The following BRINP1 variants were observed in gnomAD, a reference collection of about 807,000 sequenced individuals.
BRINP1 encodes BMP/retinoic acid inducible neural specific 1, also known as BMP/retinoic acid-inducible neural-specific protein 1.
BRINP1 carries 17 observed loss-of-function variants against 72.9 expected under a neutral mutation model. That is an observed-to-expected ratio of 0.23 (90% CI 0.16 to 0.35). BRINP1 has a LOEUF of 0.35. BRINP1 is among the 10% of genes least tolerant of loss of function. The probability of loss-of-function intolerance (pLI) is 1.00; values close to 1 mark genes in which losing one functional copy is unlikely to be tolerated. For missense variants in BRINP1, 850 were observed against 1,001.6 expected (o/e 0.85, Z 2.04); for synonymous variants, 418 against 378.5 (o/e 1.10, Z -1.21).
At chr9:119,307,002 C>A (rs913296469) in intron 2 of BRINP1, among the ~76,000 whole-genome samples, 8 of 151,292 alleles carry the variant, frequency 5.3e-5, no homozygotes, top group Admixed American at 4.6e-4. Flanking sequence ...CTTTTTTTTT[C>A]TTCTTCCCCA....
At chr9:119,227,632 T>A (rs1588170510) in intron 5 of BRINP1, among the ~76,000 whole-genome samples, 1 of 152,102 alleles carries the variant, frequency 6.6e-6, no homozygotes, top group African/African-American at 2.4e-5. Context: ...AGAGAGGCTG[T>A]AGGCATGAGC....
chr9:119,252,105 T>G (rs1212805186), intron 2 of BRINP1, among the ~76,000 whole-genome samples: 1 of 152,124 alleles, frequency 6.6e-6, no homozygotes, highest in Admixed American at 6.5e-5. Context: ...TCCCTCCCTC[T>G]CACTCGCTGC....
At chr9:119,309,431 G>A (rs959750880) in intron 2 of BRINP1, among the ~76,000 whole-genome samples, 2 of 152,262 alleles carry the variant, frequency 1.3e-5, no homozygotes, top group African/African-American at 4.8e-5. Flanking sequence ...TGAACAATGG[G>A]CTCTTAGTGC....
chr9:119,311,434 C>G (rs1831066867), intron 2 of BRINP1, among the ~76,000 whole-genome samples: 1 of 152,168 alleles, frequency 6.6e-6, no homozygotes, highest in African/African-American at 2.4e-5. Context: ...AATCTTAACA[C>G]AAAAGCAGAT....
At chr9:119,213,027 A>C (rs1489108132) in intron 6 of BRINP1, among the ~76,000 whole-genome samples, 1 of 151,782 alleles carries the variant, frequency 6.6e-6, no homozygotes, top group East Asian at 1.9e-4. Flanking sequence ...AACTTGTACC[A>C]TCTCCTTAAC....
At chr9:119,323,462 G>A (rs1393462377) in intron 1 of BRINP1, among the ~76,000 whole-genome samples, 13 of 152,164 alleles carry the variant, frequency 8.5e-5, no homozygotes, top group African/African-American at 2.4e-5. Flanking sequence ...GACCCAGAGG[G>A]AGAGGTGATG....
intron 1 of BRINP1, among the ~76,000 whole-genome samples, chr9:119,354,252 A>G (rs1831536420): frequency 6.6e-6 from 1 of 152,216 alleles, no homozygotes; most frequent in African/African-American, 2.4e-5. Context: ...ATTAAATGAA[A>G]AAATAGGACA....
Position 119,182,343 on chromosome 9 carries a change from A to T in BRINP1, c.1146-14119T>A, listed in dbSNP as rs146316322. On this transcript the variant is annotated intron_variant, in intron 7 of 7. Coordinates refer to ENST00000265922, the MANE Select transcript of BRINP1 (RefSeq NM_014618.3). Reference sequence around the variant, plus strand: ...ACTATACAAAAATTAAAACAGATTCATCAAAAGATACCATAGAATGAAAAG... The same window carrying T: ...ACTATACAAAAATTAAAACAGATTCTTCAAAAGATACCATAGAATGAAAAG... Among the ~76,000 whole-genome samples, 8 of 152,368 alleles carry T rather than the reference A, an allele frequency of 5.3e-5. No homozygotes were observed. The East Asian group carries it at 1.5e-3, about 29-fold the overall frequency.
intron 2 of BRINP1, among the ~76,000 whole-genome samples, chr9:119,303,836 T>G (rs1830965640): frequency 6.6e-6 from 1 of 151,960 alleles, no homozygotes; most frequent in South Asian, 2.1e-4. Context: ...CTACTAGTCC[T>G]CAAACATTTG....
At chr9:119,320,935 T>A (rs1003074290) in intron 1 of BRINP1, among the ~76,000 whole-genome samples, 3 of 152,080 alleles carry the variant, frequency 2.0e-5, no homozygotes, top group Non-Finnish European at 4.4e-5. Flanking sequence ...GGTCTCCATT[T>A]TGTTTTTTTT....
At chr9:119,287,543 C>T (rs906890995) in intron 2 of BRINP1, among the ~76,000 whole-genome samples, 5 of 152,108 alleles carry the variant, frequency 3.3e-5, no homozygotes, top group Non-Finnish European at 7.3e-5. Flanking sequence ...TGGGCTTGTT[C>T]CCCGATGAAC....
At chr9:119,298,418 T>C (rs373403898) in intron 2 of BRINP1, among the ~76,000 whole-genome samples, 1 of 152,166 alleles carries the variant, frequency 6.6e-6, no homozygotes, top group East Asian at 1.9e-4. Context: ...AAAGATCTAA[T>C]ATAGAATGAA....
intron 1 of BRINP1, among the ~76,000 whole-genome samples, chr9:119,353,822 C>CTTTTTT (rs138900910): frequency 6.5e-5 from 2 of 30,962 alleles, no homozygotes; most frequent in Non-Finnish European, 5.8e-5. Flanking sequence ...GTTTTGAGCA[C>CTTTTTT]TTTTTTTTTT....
Position 119,313,398 on chromosome 9 carries a change from G to T in BRINP1, c.-43C>A, listed in dbSNP as rs767799421. The T allele has an allele frequency of 1.2e-6, 2 of 1,604,910 alleles. No individual in the cohort carries two copies. The highest frequency in any genetic ancestry group is 2.2e-5 in the South Asian group (2 of 89,934). On this transcript the variant is annotated 5_prime_UTR_variant, in exon 2 of 8. Transcript: ENST00000265922. ...TTTCCTCTCATTCTTGCTCCATTCTGTGGAGTCCTATAGAAGAAAGAATAA... is the reference window on the plus strand; with the variant it reads ...TTTCCTCTCATTCTTGCTCCATTCTTTGGAGTCCTATAGAAGAAAGAATAA...
In BRINP1 at chr9:119,249,121, G is replaced by A. The variant is rs754989585; in HGVS notation, c.248C>T (p.Thr83Ile). Residue 83 changes from threonine (T) to isoleucine (I), a missense_variant, in exon 3 of 8, where the codon ACA becomes ATA. Transcript: ENST00000265922. ...REFARWKVRN[T>I]AIERRDLVRH... ...GACCAGATCTCTCCTCTCGATGGCT[G>A]TGTTCCTCACCTTCCAACGGGCAAA... is the stretch of plus-strand genomic sequence containing the variant. 71 of 1,613,784 alleles carry A rather than the reference G, an allele frequency of 4.4e-5. No individual in the cohort carries two copies. The South Asian group carries it at 7.7e-4, about 17-fold the overall frequency.
intron 2 of BRINP1, among the ~76,000 whole-genome samples, chr9:119,287,785 A>C (rs1390268573): frequency 2.0e-5 from 3 of 152,230 alleles, no homozygotes; most frequent in Non-Finnish European, 2.9e-5. Context: ...TTTTCAATTA[A>C]AAAACCTCAG....
At chr9:119,239,003 C>T (rs2118909209) in intron 4 of BRINP1, among the ~76,000 whole-genome samples, 1 of 152,312 alleles carries the variant, frequency 6.6e-6, no homozygotes, top group South Asian at 2.1e-4. Flanking sequence ...TCTCACTTCA[C>T]ACGGTGGCTG....
chr9:119,342,673 C>T (rs1831416817), intron 1 of BRINP1, among the ~76,000 whole-genome samples: 1 of 152,206 alleles, frequency 6.6e-6, no homozygotes, highest in South Asian at 2.1e-4. Context: ...ACCTGTAAGA[C>T]TACCCCGTGA....
intron 1 of BRINP1, among the ~76,000 whole-genome samples, chr9:119,358,175 A>T (rs1831588245): frequency 6.6e-6 from 1 of 152,154 alleles, no homozygotes; most frequent in African/African-American, 2.4e-5. Context: ...GAGAATAAGG[A>T]TGAAGAGGGG....
Sources: allele counts gnomAD v4.1 joint callset (sites outside exome capture counted in the v4.1 genomes callset), GRCh38; gene constraint gnomAD v4.1.1; transcripts MANE v1.5; gene names NCBI Gene and HGNC (gene_info 2026-07-23, HGNC 2026-07-21).